Variants in FUBP1 observed in about 807,000 individuals in gnomAD.
FUBP1 encodes the protein far upstream element binding protein 1.
Under a neutral mutation model 94.9 loss-of-function variants are expected in FUBP1, and 16 were observed. The observed-to-expected ratio is 0.17, with a 90% CI of 0.11 to 0.26. FUBP1 has a LOEUF of 0.26. Among genes scored for constraint, FUBP1 ranks in the 10% least tolerant of loss-of-function variants. The pLI is 1.00. For missense variants in FUBP1, 583 were observed against 808.6 expected, an observed-to-expected ratio of 0.72 and a Z score of 3.38; for synonymous variants, 279 against 254.9, an observed-to-expected ratio of 1.09 and a Z score of -0.90.
At chr1:77,974,134 G>GTTT (rs34146250) in intron 1 of FUBP1, among the ~76,000 whole-genome samples, 15 of 122,170 alleles carry the variant, frequency 1.2e-4, no homozygotes, top group East Asian at 2.3e-4. Context: ...TAATTTTTTG[G>GTTT]TTTTTTTTTT....
At chr1:77,955,666 C>T (rs539351046) in intron 17 of FUBP1, among the ~76,000 whole-genome samples, 9 of 152,270 alleles carry the variant, frequency 5.9e-5, no homozygotes, top group African/African-American at 2.2e-4. Flanking sequence ...CCCCAAAATG[C>T]TGAAACGGAT....
chr1:77,967,829 CAG>C (rs1438589209), intron 3 of FUBP1, among the ~76,000 whole-genome samples, 163 bp from the exon 4 acceptor site: 1 of 152,042 alleles, frequency 6.6e-6, no homozygotes, highest in Non-Finnish European at 1.5e-5. Context: ...TTGGCATTGA[CAG>C]GGGCAAGAGA....
intron 18 of FUBP1, 85 bp from the exon 19 acceptor site, chr1:77,949,385 G>T: frequency 9.4e-7 from 1 of 1,068,248 alleles, no homozygotes; most frequent in Non-Finnish European, 1.4e-6. Flanking sequence ...CTTGCTTCTT[G>T]TAATATTTCT....
chr1:77,978,815 G>A (rs1386746071), intron 1 of FUBP1, 70 bp downstream of exon 1: 1 of 1,584,132 alleles, frequency 6.3e-7, no homozygotes, highest in Non-Finnish European at 8.7e-7. Context: ...GCGCTTAAGG[G>A]TAGCGGCCTA....
chr1:77,978,396 G>A (rs1011659817), intron 1 of FUBP1, among the ~76,000 whole-genome samples: 1 of 152,230 alleles, frequency 6.6e-6, no homozygotes, highest in Non-Finnish European at 1.5e-5. Flanking sequence ...TCCTTGTAGA[G>A]GTGTGACGGT....
intron 1 of FUBP1, among the ~76,000 whole-genome samples, chr1:77,977,213 C>CG (rs1658782955): frequency 6.6e-6 from 1 of 151,838 alleles, no homozygotes; most frequent in Non-Finnish European, 1.5e-5. Context: ...AACAAACAAA[C>CG]GAAAAAAAAC....
intron 10 of FUBP1, 101 bp downstream of exon 10, chr1:77,964,545 T>A (rs1245658286): frequency 2.6e-6 from 2 of 754,778 alleles, no homozygotes; most frequent in African/African-American, 1.8e-5. Flanking sequence ...AAAGGTGAAA[T>A]AAAAGGATAA....
intron 1 of FUBP1, among the ~76,000 whole-genome samples, chr1:77,977,748 GAACT>G (rs1319507177): frequency 6.6e-6 from 1 of 152,186 alleles, no homozygotes; most frequent in Non-Finnish European, 1.5e-5. Context: ...AAAAACCGCA[GAACT>G]AATATTAATG....
At position 77,945,568 on chromosome 1, in the gene FUBP1, G is replaced by C. The variant is rs1214903924; in HGVS notation, c.*3198C>G. The C allele has an allele frequency of 4.7e-6, 1 of 212,506 alleles. No homozygotes were observed. The allele number at this position is 212,506 out of a possible 1,614,324, so 13.2% of individuals were successfully genotyped here. On this transcript the variant is annotated 3_prime_UTR_variant, in exon 20 of 20. Transcript: ENST00000370768. Reference sequence around the variant, plus strand: ...GCTCACCAATGGCATACACTCAAAGGATTCCTCTTTATGGGTAACTATCTC... The same window carrying C: ...GCTCACCAATGGCATACACTCAAAGCATTCCTCTTTATGGGTAACTATCTC...
intron 1 of FUBP1, among the ~76,000 whole-genome samples, chr1:77,977,681 T>C (rs955943788): frequency 6.6e-6 from 1 of 152,244 alleles, no homozygotes; most frequent in Admixed American, 6.5e-5. Flanking sequence ...CTAAGAGTGT[T>C]TGTCATAGTT....
intron 18 of FUBP1, among the ~76,000 whole-genome samples, chr1:77,952,582 A>C (rs1653683556): frequency 6.6e-6 from 1 of 152,230 alleles, no homozygotes; most frequent in South Asian, 2.1e-4. Flanking sequence ...GTTGGCTTTG[A>C]GATAAAGATA....
rs767453355 is a variant in FUBP1, at chr1:77,979,032, T to C, written c.-28A>G. 4 of 1,583,292 alleles carry C rather than the reference T, an allele frequency of 2.5e-6. No homozygotes were observed. In the Admixed American group the frequency reaches 5.3e-5, roughly 21 times the overall value. ...TTGCACTATAAGAGCCGCTGCCGCC[T>C]GTTCAGAGACTTCCTCTCAGCTAAC... On this transcript the variant is annotated 5_prime_UTR_variant, in exon 1 of 20. Coordinates refer to ENST00000370768, the MANE Select transcript of FUBP1 (RefSeq NM_003902.5).
chr1:77,974,934 C>G (rs1658321644), intron 1 of FUBP1, among the ~76,000 whole-genome samples: 1 of 152,178 alleles, frequency 6.6e-6, no homozygotes, highest in Non-Finnish European at 1.5e-5. Context: ...TACCAAAATC[C>G]ACAGATGCTC....
rs533448253 is a variant in FUBP1, at chr1:77,970,125, T to C, written c.121-110A>G. ...TATATGTGAAATATTTAGTATCACA[T>C]AAGAAAATTTACTTGAAAAATTAAA... On this transcript the variant is annotated intron_variant, in intron 1 of 19. Transcript: ENST00000370768. 7 of 473,422 alleles carry C rather than the reference T, an allele frequency of 1.5e-5. No homozygotes were observed. In the South Asian group the frequency reaches 4.0e-4, roughly 27 times the overall value. 29.3% of individuals were successfully genotyped at this position (473,422 alleles called of 1,614,324 possible).
At chr1:77,978,786 C>T (rs1384823449) in intron 1 of FUBP1, 99 bp downstream of exon 1, 24 of 1,389,794 alleles carry the variant, frequency 1.7e-5, no homozygotes, top group Non-Finnish European at 2.4e-5. Context: ...CGGAAGAACA[C>T]CTCTTTCCTC....
At chr1:77,965,273 C>G in intron 7 of FUBP1, 42 bp from the exon 8 acceptor site, 1 of 1,348,670 alleles carries the variant, frequency 7.4e-7, no homozygotes, top group East Asian at 2.3e-5. Context: ...TGTAGCATAC[C>G]CAAGCTTATT....
At chr1:77,962,347 C>T (rs1188494514) in intron 14 of FUBP1, among the ~76,000 whole-genome samples, 1 of 152,074 alleles carries the variant, frequency 6.6e-6, no homozygotes, top group Non-Finnish European at 1.5e-5. Flanking sequence ...GTGAGCCAGT[C>T]CAAAACCTAG....
At chr1:77,967,286 A>G (rs911371039) in intron 4 of FUBP1, among the ~76,000 whole-genome samples, 185 bp from the exon 5 acceptor site, 1 of 152,244 alleles carries the variant, frequency 6.6e-6, no homozygotes, top group African/African-American at 2.4e-5. Flanking sequence ...GAAATTTAAG[A>G]TGACACATCA....
In FUBP1 at chr1:77,948,320, A is replaced by T; in HGVS notation, c.*446T>A. ...TCAATATTTCATGGGGAAAGCTTAT[A>T]TATTTGTGTATATGTATCTTAATTT... On this transcript the variant is annotated 3_prime_UTR_variant, in exon 20 of 20. Coordinates refer to ENST00000370768, the MANE Select transcript of FUBP1 (RefSeq NM_003902.5). The T allele has an allele frequency of 9.6e-7, 1 of 1,044,256 alleles. No individual in the cohort carries two copies. Among genetic ancestry groups the T allele is most frequent in the Non-Finnish European group, 1.2e-6 (1 of 860,928 alleles). The allele number at this position is 1,044,256 out of a possible 1,614,324, so 64.7% of individuals were successfully genotyped here. A position where few individuals can be genotyped will look rare whatever the true frequency, so the allele number is the denominator to read the frequency against.
Sources: gnomAD v4.1 joint callset for allele counts (sites outside exome capture counted in the v4.1 genomes callset) on GRCh38, gnomAD v4.1.1 for gene constraint, MANE v1.5 for transcripts, NCBI Gene and HGNC (gene_info 2026-07-23, HGNC 2026-07-21) for gene names.